DIAPH3: variants seen among roughly 807,000 people sequenced by gnomAD.
The protein encoded by DIAPH3 is diaphanous related formin 3, also known as protein diaphanous homolog 3.
A neutral mutation model predicts 144.3 loss-of-function variants in DIAPH3; 117 were observed. The observed-to-expected ratio is 0.81, with a 90% CI of 0.70 to 0.95. DIAPH3 has a LOEUF of 0.95. Ranked by LOEUF, DIAPH3 falls within the 40% of genes least tolerant of loss-of-function variation. The pLI is 0.00. For synonymous variants in DIAPH3, 519 were observed against 488.9 expected, an observed-to-expected ratio of 1.06 and a Z score of -0.81; for missense variants, 1,421 against 1,412.7, an observed-to-expected ratio of 1.01 and a Z score of -0.09.
intron 14 of DIAPH3, among the ~76,000 whole-genome samples, chr13:59,977,807 G>A (rs1319296940): frequency 1.3e-5 from 2 of 151,688 alleles, no homozygotes; most frequent in Admixed American, 1.3e-4. Context: ...TGTTATTTGG[G>A]GAAAATAAAT....
At chr13:60,138,553 T>C (rs1291632578) in intron 1 of DIAPH3, among the ~76,000 whole-genome samples, 2 of 152,220 alleles carry the variant, frequency 1.3e-5, no homozygotes, top group Non-Finnish European at 2.9e-5. Flanking sequence ...AGCACTGTTT[T>C]AAGATAATTC....
chr13:59,753,540 T>A (rs1000487438), intron 27 of DIAPH3, among the ~76,000 whole-genome samples: 8 of 152,232 alleles, frequency 5.3e-5, no homozygotes, highest in African/African-American at 1.9e-4. Context: ...TATCCTCTCG[T>A]GACACTGCCT....
chr13:60,038,954 T>C (rs1185027824), intron 5 of DIAPH3, among the ~76,000 whole-genome samples: 1 of 152,138 alleles, frequency 6.6e-6, no homozygotes, highest in Non-Finnish European at 1.5e-5. Context: ...AACATAATTA[T>C]TGACTATGTC....
chr13:59,893,344 G>A (rs897111102), intron 20 of DIAPH3, among the ~76,000 whole-genome samples: 1 of 152,130 alleles, frequency 6.6e-6, no homozygotes, highest in African/African-American at 2.4e-5. Context: ...GAGGGATTAT[G>A]AGAATTCATT....
chr13:59,852,788 C>T (rs567418551), intron 22 of DIAPH3, among the ~76,000 whole-genome samples: 1 of 152,290 alleles, frequency 6.6e-6, no homozygotes, highest in East Asian at 1.9e-4. Flanking sequence ...AGGCAACACA[C>T]AGTTGGAATC....
At chr13:59,710,694 A>G (rs1470759432) in intron 27 of DIAPH3, among the ~76,000 whole-genome samples, 1 of 152,242 alleles carries the variant, frequency 6.6e-6, no homozygotes, top group Non-Finnish European at 1.5e-5. Context: ...TAAGTGAGAT[A>G]ATATACGTAA....
chr13:59,785,311 G>C (rs183883147), intron 25 of DIAPH3, among the ~76,000 whole-genome samples: 3 of 152,122 alleles, frequency 2.0e-5, no homozygotes, highest in Non-Finnish European at 2.9e-5. Context: ...TTACAAGTTA[G>C]GAGAAAAAAT....
At chr13:60,095,096 T>C (rs2058067039) in intron 3 of DIAPH3, among the ~76,000 whole-genome samples, 2 of 152,118 alleles carry the variant, frequency 1.3e-5, no homozygotes, top group African/African-American at 4.8e-5. Context: ...GCATCACAGT[T>C]TGACCTGTAC....
intron 2 of DIAPH3, among the ~76,000 whole-genome samples, chr13:60,131,593 A>G (rs996040989): frequency 6.6e-6 from 1 of 152,238 alleles, no homozygotes; most frequent in Non-Finnish European, 1.5e-5. Context: ...AGGCAAATCT[A>G]TACAGTCAGA....
intron 22 of DIAPH3, among the ~76,000 whole-genome samples, chr13:59,860,947 G>A (rs993374836): frequency 3.9e-4 from 60 of 152,152 alleles, no homozygotes; most frequent in African/African-American, 1.4e-3. Context: ...TGGCAGTATG[G>A]TGTCTTCTAT....
At chr13:60,143,379 A>G (rs1325521135) in intron 1 of DIAPH3, among the ~76,000 whole-genome samples, 2 of 152,168 alleles carry the variant, frequency 1.3e-5, no homozygotes, top group Non-Finnish European at 2.9e-5. Context: ...TGTGATCTTG[A>G]GCACTTAAAC....
chr13:60,119,743 TCTCAAAAAAAAAAAAAAAAAAAAA>T (rs1433271989), intron 2 of DIAPH3, among the ~76,000 whole-genome samples: 1 of 81,366 alleles, frequency 1.2e-5, no homozygotes, highest in Non-Finnish European at 2.2e-5. Flanking sequence ...CGAGACTCCG[TCTCAAAAAAAAAAAAAAAAAAAAA>T]AAAAGAAATG....
chr13:59,971,176 A>G lies in DIAPH3; in HGVS notation c.1651-16T>C, dbSNP rs991199702. The G allele has an allele frequency of 6.4e-6, 10 of 1,554,694 alleles. No individual in the cohort carries two copies. In the Middle Eastern group the frequency reaches 8.4e-4, roughly 130 times the overall value. ...AGGCACCAAACTGGAGAAAAAAACA[A>G]TAAGAGACATAACTAAGAACATATC... On this transcript the variant is annotated splice_polypyrimidine_tract_variant and intron_variant, in intron 15 of 27. Transcript: ENST00000400324.
chr13:59,778,609 T>C (rs1461751444), intron 25 of DIAPH3, among the ~76,000 whole-genome samples: 1 of 152,246 alleles, frequency 6.6e-6, no homozygotes, highest in Non-Finnish European at 1.5e-5. Context: ...CAGCTTTCTT[T>C]CTTCCTTTTC....
chr13:59,780,748 A>G (rs529958269), intron 25 of DIAPH3, among the ~76,000 whole-genome samples: 1 of 152,208 alleles, frequency 6.6e-6, no homozygotes, highest in African/African-American at 2.4e-5. Flanking sequence ...TTGCTGGAGA[A>G]AAGAAAATAT....
intron 27 of DIAPH3, among the ~76,000 whole-genome samples, chr13:59,733,905 C>T (rs2036011786): frequency 6.6e-6 from 1 of 152,200 alleles, no homozygotes; most frequent in African/African-American, 2.4e-5. Flanking sequence ...TTATTTGGCC[C>T]AGGCCAGAAT....
intron 27 of DIAPH3, among the ~76,000 whole-genome samples, chr13:59,678,450 AGGTTTAC>A (rs1009437610): frequency 2.0e-5 from 3 of 152,146 alleles, no homozygotes; most frequent in Non-Finnish European, 4.4e-5. Flanking sequence ...TTCTATTTAC[AGGTTTAC>A]AGACAAGTGG....
At chr13:59,680,665 G>T (rs1194051545) in intron 27 of DIAPH3, among the ~76,000 whole-genome samples, 3 of 151,458 alleles carry the variant, frequency 2.0e-5, no homozygotes, top group Non-Finnish European at 2.9e-5. Flanking sequence ...AATTTGATGG[G>T]GCATTATAGT....
chr13:60,090,796 T>C (rs1299054318), intron 4 of DIAPH3, among the ~76,000 whole-genome samples: 1 of 152,182 alleles, frequency 6.6e-6, no homozygotes, highest in Non-Finnish European at 1.5e-5. Context: ...ATTCAGAACC[T>C]TCCTAGGAAG....
Sources: allele counts gnomAD v4.1 joint callset (sites outside exome capture counted in the v4.1 genomes callset), GRCh38; gene constraint gnomAD v4.1.1; transcripts MANE v1.5; gene names NCBI Gene and HGNC (gene_info 2026-07-23, HGNC 2026-07-21).